The following GADL1 variants were observed in gnomAD, a reference collection of about 807,000 sequenced individuals.
GADL1 encodes the protein acidic amino acid decarboxylase GADL1.
A neutral mutation model predicts 69.5 loss-of-function variants in GADL1; 71 were observed. That is an observed-to-expected ratio of 1.02 (90% CI 0.84 to 1.25). The LOEUF (loss-of-function observed/expected upper bound fraction) is 1.25. Among genes scored for constraint, GADL1 ranks in the 50% most tolerant of loss-of-function variants. The probability of loss-of-function intolerance (pLI) is 0.00; values close to 1 mark genes in which losing one functional copy is unlikely to be tolerated. For missense variants in GADL1, 737 were observed against 631.8 expected (o/e 1.17, Z -1.79); for synonymous variants, 254 against 214.4 (o/e 1.18, Z -1.62).
intron 2 of GADL1, among the ~76,000 whole-genome samples, chr3:30,859,675 A>T (rs1256400483): frequency 1.3e-5 from 2 of 151,984 alleles, no homozygotes; most frequent in Non-Finnish European, 2.9e-5. Context: ...ATTCAGTTTT[A>T]AAAACTGGCT....
intron 14 of GADL1, among the ~76,000 whole-genome samples, chr3:30,762,275 A>ACTGCCAT (rs1168230135): frequency 2.0e-5 from 3 of 152,210 alleles, no homozygotes; most frequent in Non-Finnish European, 2.9e-5. Context: ...AATCTAGGTG[A>ACTGCCAT]GAAAAGAGAA....
At chr3:30,742,600 A>C (rs1695643151) in intron 14 of GADL1, among the ~76,000 whole-genome samples, 2 of 152,102 alleles carry the variant, frequency 1.3e-5, no homozygotes, top group Non-Finnish European at 2.9e-5. Flanking sequence ...TATAAAATTC[A>C]GGTCTTTTCT....
intron 13 of GADL1, among the ~76,000 whole-genome samples, chr3:30,785,955 G>A (rs747640834): frequency 4.6e-5 from 7 of 152,060 alleles, no homozygotes; most frequent in Admixed American, 1.3e-4. Flanking sequence ...AAGCTAATAT[G>A]CTCATTATTT....
intron 14 of GADL1, among the ~76,000 whole-genome samples, chr3:30,751,752 C>T (rs1192513855): frequency 5.3e-5 from 8 of 152,144 alleles, no homozygotes; most frequent in African/African-American, 1.9e-4. Flanking sequence ...ATTTCTGCTG[C>T]GCTGGTGCCC....
intron 2 of GADL1, among the ~76,000 whole-genome samples, chr3:30,860,474 GA>G (rs769262712): frequency 1.3e-5 from 2 of 151,968 alleles, no homozygotes; most frequent in East Asian, 3.9e-4. Context: ...CAAGTACAGA[GA>G]AGAACAGAAA....
intron 13 of GADL1, among the ~76,000 whole-genome samples, chr3:30,785,390 T>TG (rs892150726): frequency 6.7e-6 from 1 of 149,752 alleles, no homozygotes; most frequent in Non-Finnish European, 1.5e-5. Flanking sequence ...TTCTTTTTTT[T>TG]TTTTTCCCCC....
intron 11 of GADL1, among the ~76,000 whole-genome samples, chr3:30,802,719 T>C (rs981437910): frequency 2.6e-5 from 4 of 152,202 alleles, no homozygotes; most frequent in Non-Finnish European, 5.9e-5. Context: ...CAAAAAAGTA[T>C]GATTTTATAC....
chr3:30,854,651 A>C (rs1220767497), intron 4 of GADL1, 48 bp downstream of exon 4: 1 of 1,089,260 alleles, frequency 9.2e-7, no homozygotes, highest in African/African-American at 1.6e-5. Context: ...ATCTACTTAA[A>C]GTCTCTAATC....
At chr3:30,876,638 T>C (rs1338150894) in intron 1 of GADL1, among the ~76,000 whole-genome samples, 1 of 151,934 alleles carries the variant, frequency 6.6e-6, no homozygotes. Flanking sequence ...AATTTCCAAA[T>C]GTTAGCATCT....
intron 11 of GADL1, among the ~76,000 whole-genome samples, chr3:30,817,231 T>C (rs1168090844): frequency 3.9e-5 from 6 of 152,182 alleles, no homozygotes; most frequent in African/African-American, 1.4e-4. Context: ...TCTAAAGCTG[T>C]AGAGGCATTG....
intron 11 of GADL1, among the ~76,000 whole-genome samples, chr3:30,809,677 T>G (rs961047926): frequency 1.3e-5 from 2 of 152,248 alleles, no homozygotes; most frequent in African/African-American, 4.8e-5. Flanking sequence ...GAAGATGTTT[T>G]GTACAGAAGT....
At chr3:30,822,366 T>G (rs1435132407) in intron 11 of GADL1, among the ~76,000 whole-genome samples, 2 of 152,046 alleles carry the variant, frequency 1.3e-5, no homozygotes, top group African/African-American at 2.4e-5. Flanking sequence ...TGGACTTTCA[T>G]GTAATGCAAA....
At position 30,800,981 on chromosome 3, in the gene GADL1, T is replaced by C; in HGVS notation, c.1158A>G (p.Arg386=). 6.2e-7 allele frequency: 1 copy of C among 1,614,010 alleles called. No homozygotes were observed. Among genetic ancestry groups the C allele is most frequent in the Non-Finnish European group, 8.5e-7 (1 of 1,179,908 alleles). ...DTGDKSIQCS[R]RPDAFKFWMT... is the part of the protein sequence containing the mutation. ...TCCAGAACTTGAATGCATCTGGTCT[T>C]CTGCTACACTGGATAGACTTGTCTC... Residue 386 remains arginine, a synonymous_variant, in exon 12 of 15, where the codon AGA becomes AGG. Coordinates refer to ENST00000282538, the MANE Select transcript of GADL1 (RefSeq NM_207359.3).
chr3:30,758,330 C>T (rs1202983014), intron 14 of GADL1, among the ~76,000 whole-genome samples: 1 of 152,202 alleles, frequency 6.6e-6, no homozygotes, highest in Admixed American at 6.5e-5. Flanking sequence ...GATGAGTTTT[C>T]TCTGGGCTAT....
chr3:30,830,663 C>T (rs1042348680), intron 11 of GADL1, among the ~76,000 whole-genome samples: 2 of 152,094 alleles, frequency 1.3e-5, no homozygotes, highest in South Asian at 2.1e-4. Flanking sequence ...GCATCTATAA[C>T]CCATTCCTAT....
At chr3:30,854,664 C>T (rs759503076) in intron 4 of GADL1, 35 bp downstream of exon 4, 43 of 1,258,816 alleles carry the variant, frequency 3.4e-5, no homozygotes, top group Non-Finnish European at 4.3e-5. Context: ...CTCTAATCCA[C>T]GTTTGGTGTG....
At position 30,857,062 on chromosome 3, in the gene GADL1, T is replaced by TTA. The variant is rs1350649570; in HGVS notation, c.288_289dup (p.Lys97IlefsTer40). 5.2e-6 allele frequency: 8 copies of TTA among 1,550,074 alleles called. No homozygotes were observed. Among genetic ancestry groups the TTA allele is most frequent in the Non-Finnish European group, 7.0e-6 (8 of 1,145,792 alleles). ...GACATCCCGACAGAGTTCCAATAGT[T>TTA]TATGGGGTGGCTCGCCTGAGTCTCT... is the stretch of plus-strand genomic sequence containing the variant. On this transcript the variant is annotated frameshift_variant, in exon 3 of 15. Transcript: ENST00000282538. LOFTEE classifies it high-confidence loss of function.
intron 14 of GADL1, among the ~76,000 whole-genome samples, chr3:30,767,284 C>CT (rs1381167371): frequency 1.3e-5 from 2 of 151,888 alleles, no homozygotes; most frequent in African/African-American, 2.4e-5. Flanking sequence ...TTAAAGAGTT[C>CT]TAAAACATAT....
In GADL1 at chr3:30,787,197, GAA is replaced by G. The variant is rs554960249; in HGVS notation, c.1251-793_1251-792del. Among the ~76,000 whole-genome samples the G allele has an allele frequency of 1.9e-3, 285 of 149,676 alleles. No individual in the cohort carries two copies. In the South Asian group the frequency reaches 0.021, roughly 11 times the overall value. On this transcript the variant is annotated intron_variant, in intron 12 of 14. Transcript: ENST00000282538. Reference sequence around the variant, plus strand: ...GTACCCCAAAACTTAAAAAATACAAGAAAAAAAATTACCTGAATATGAGGGGA... The same window carrying G: ...GTACCCCAAAACTTAAAAAATACAAGAAAAAATTACCTGAATATGAGGGGA...
Sources: allele counts gnomAD v4.1 joint callset (sites outside exome capture counted in the v4.1 genomes callset), GRCh38; gene constraint gnomAD v4.1.1; transcripts MANE v1.5; gene names NCBI Gene and HGNC (gene_info 2026-07-23, HGNC 2026-07-21).